The following SPMIP7 variants were observed in gnomAD, a reference collection of about 807,000 sequenced individuals.
The protein encoded by SPMIP7 is protein SPMIP7.
At chr7:50,103,156 A>G in the SPMIP7 span, among the ~76,000 whole-genome samples, 2 of 151,358 alleles carry the variant, frequency 1.3e-5, no homozygotes, top group African/African-American at 4.8e-5. Flanking sequence ...TCCTTCCCTA[A>G]GCACCTCTCA....
chr7:50,104,294 C>A, the SPMIP7 span: 2 of 1,359,152 alleles, frequency 1.5e-6, no homozygotes, highest in Non-Finnish European at 2.0e-6. Flanking sequence ...AAATCCCATT[C>A]GCTTTTTTTG....
At chr7:50,111,785 T>C in the SPMIP7 span, among the ~76,000 whole-genome samples, 2 of 152,196 alleles carry the variant, frequency 1.3e-5, no homozygotes, top group African/African-American at 2.4e-5. Flanking sequence ...TTTGCTACAC[T>C]GACAGAGAGA....
the SPMIP7 span, among the ~76,000 whole-genome samples, chr7:50,108,029 G>T: frequency 6.6e-6 from 1 of 152,194 alleles, no homozygotes; most frequent in East Asian, 1.9e-4. Flanking sequence ...AGCAATTCTG[G>T]AAATTGAGGC....
At chr7:50,096,023 G>A in the SPMIP7 span, 1 of 1,097,754 alleles carries the variant, frequency 9.1e-7, no homozygotes, top group Non-Finnish European at 1.3e-6. Context: ...AGTTTATATA[G>A]TTAAATATAA....
chr7:50,134,126 T>C, the SPMIP7 span: 1 of 1,547,210 alleles, frequency 6.5e-7, no homozygotes, highest in Non-Finnish European at 8.7e-7. Flanking sequence ...AAGATGTTCC[T>C]TGGGATAAGA....
chr7:50,131,962 C>T, the SPMIP7 span, among the ~76,000 whole-genome samples: 2 of 152,116 alleles, frequency 1.3e-5, no homozygotes, highest in Non-Finnish European at 1.5e-5. Flanking sequence ...ATTTTGAACA[C>T]TTCAGACAGG....
At chr7:50,129,918 A>G in the SPMIP7 span, 1 of 603,100 alleles carries the variant, frequency 1.7e-6, no homozygotes, top group Non-Finnish European at 2.9e-6. Context: ...AAACGCAGAC[A>G]TTTACTGATA....
chr7:50,111,045 A>G, the SPMIP7 span, among the ~76,000 whole-genome samples: 3 of 145,516 alleles, frequency 2.1e-5, no homozygotes, highest in African/African-American at 5.0e-5. Flanking sequence ...TATTTATTAT[A>G]TATGATGTTA....
At chr7:50,122,654 T>C in the SPMIP7 span, among the ~76,000 whole-genome samples, 10 of 150,148 alleles carry the variant, frequency 6.7e-5, no homozygotes, top group African/African-American at 1.9e-4. Context: ...AGAAAATTTT[T>C]GCAACCTACT....
the SPMIP7 span, among the ~76,000 whole-genome samples, chr7:50,119,547 A>T: frequency 3.9e-5 from 6 of 152,198 alleles, no homozygotes; most frequent in Non-Finnish European, 8.8e-5. Context: ...AATGCCCCCA[A>T]ATCAGGAAAC....
At chr7:50,116,274 C>A in the SPMIP7 span, among the ~76,000 whole-genome samples, 1 of 152,274 alleles carries the variant, frequency 6.6e-6, no homozygotes, top group South Asian at 2.1e-4. Flanking sequence ...CACCACCATG[C>A]CCAGCTAATT....
chr7:50,119,751 C>T, the SPMIP7 span, among the ~76,000 whole-genome samples: 1 of 152,298 alleles, frequency 6.6e-6, no homozygotes, highest in Non-Finnish European at 1.5e-5. Context: ...GTGATGCCTA[C>T]AAAAGGTATG....
the SPMIP7 span, chr7:50,104,388 T>G: frequency 6.5e-7 from 1 of 1,533,024 alleles, no homozygotes; most frequent in South Asian, 1.2e-5. Context: ...CATATTTACA[T>G]TTGATGAGGA....
At chr7:50,103,150 T>C in the SPMIP7 span, among the ~76,000 whole-genome samples, 1 of 151,362 alleles carries the variant, frequency 6.6e-6, no homozygotes, top group Admixed American at 6.6e-5. Context: ...CTCCTATCCT[T>C]CCCTAAGCAC....
At chr7:50,157,431 G>A in the SPMIP7 span, among the ~76,000 whole-genome samples, 2 of 152,144 alleles carry the variant, frequency 1.3e-5, no homozygotes, top group Non-Finnish European at 2.9e-5. Context: ...GCAGTCCAGT[G>A]TTTCTTGCCC....
At chr7:50,121,174 T>A in the SPMIP7 span, 1 of 152,152 alleles carries the variant, frequency 6.6e-6, no homozygotes, top group Non-Finnish European at 1.5e-5. Flanking sequence ...TATATAGAGA[T>A]CAAACAAGTC....
the SPMIP7 span, chr7:50,159,226 G>C: frequency 2.0e-6 from 3 of 1,530,986 alleles, no homozygotes; most frequent in Non-Finnish European, 2.6e-6. Flanking sequence ...CTTGTGCGGC[G>C]GTGGGAAATA....
chr7:50,147,731 T>G, the SPMIP7 span, among the ~76,000 whole-genome samples: 1 of 152,220 alleles, frequency 6.6e-6, no homozygotes, highest in Non-Finnish European at 1.5e-5. Flanking sequence ...AATTTCTATT[T>G]TATCATGTTT....
the SPMIP7 span, among the ~76,000 whole-genome samples, chr7:50,104,826 T>G: frequency 6.6e-6 from 1 of 152,226 alleles, no homozygotes; most frequent in South Asian, 2.1e-4. Context: ...GGATTAATGC[T>G]ACTCTCCAGC....
Sources: gnomAD v4.1 joint callset for allele counts (sites outside exome capture counted in the v4.1 genomes callset) on GRCh38, gnomAD v4.1.1 for gene constraint, MANE v1.5 for transcripts, NCBI Gene and HGNC (gene_info 2026-07-23, HGNC 2026-07-21) for gene names.